Variants in TRAPPC9 observed in about 807,000 individuals in gnomAD.
The protein encoded by TRAPPC9 is IKK2 binding protein.
In TRAPPC9, 83 loss-of-function variants were observed where a neutral mutation model predicts 124.0. That is an observed-to-expected ratio of 0.67 (90% CI 0.56 to 0.80). The LOEUF (loss-of-function observed/expected upper bound fraction) is 0.80, where lower values mean the gene tolerates loss of function less well. TRAPPC9 is among the 30% of genes least tolerant of loss of function. TRAPPC9 has a pLI of 0.00. For synonymous variants in TRAPPC9, 638 were observed against 617.5 expected (o/e 1.03, Z -0.49); for missense variants, 1,302 against 1,508.3 (o/e 0.86, Z 2.27).
chr8:139,877,579 T>G lies in TRAPPC9; in HGVS notation c.3055+8300A>C, dbSNP rs534644752. ...TGCCTCCTGCCTTGCCATCAGACCC[T>G]CTGCAGCAGGAACACACTCACTCCG... On this transcript the variant is annotated intron_variant, in intron 21 of 22. Transcript: ENST00000438773. Among the ~76,000 whole-genome samples the G allele has an allele frequency of 2.5e-4, 38 of 152,120 alleles. 1 individual carries two copies. The highest frequency in any genetic ancestry group is 8.7e-4 in the African/African-American group (36 of 41,476).
intron 18 of TRAPPC9, among the ~76,000 whole-genome samples, chr8:140,007,057 C>A (rs1319021790): frequency 6.6e-6 from 1 of 152,178 alleles, no homozygotes; most frequent in African/African-American, 2.4e-5. Context: ...CAGGGGCGCC[C>A]AGGAATTGGA....
At chr8:140,350,639 G>C (rs2067536417) in intron 9 of TRAPPC9, among the ~76,000 whole-genome samples, 1 of 151,984 alleles carries the variant, frequency 6.6e-6, no homozygotes, top group African/African-American at 2.4e-5. Context: ...TGGTCTCCTG[G>C]AGAAGACGGC....
At chr8:140,322,549 C>T (rs4736173) in intron 9 of TRAPPC9, among the ~76,000 whole-genome samples, 99,559 of 151,984 alleles carry the variant, frequency 0.66, 33,067 homozygotes, top group African/African-American at 0.78. Context: ...CAACAGAAGC[C>T]GGATGCGGTG....
intron 18 of TRAPPC9, among the ~76,000 whole-genome samples, chr8:140,022,342 G>C (rs368993615): frequency 1.3e-5 from 2 of 152,158 alleles, no homozygotes; most frequent in Non-Finnish European, 2.9e-5. Flanking sequence ...CCCAAGAGCA[G>C]GGAAAAGAAC....
chr8:139,810,613 C>T (rs1365285319), intron 21 of TRAPPC9, among the ~76,000 whole-genome samples: 1 of 152,150 alleles, frequency 6.6e-6, no homozygotes, highest in Admixed American at 6.5e-5. Flanking sequence ...AACAGGACCT[C>T]GGTGGACGGT....
chr8:139,820,007 CAAAAAAAAAAAAAA>C (rs35064399), intron 21 of TRAPPC9, among the ~76,000 whole-genome samples: 1 of 51,810 alleles, frequency 1.9e-5, no homozygotes, highest in Non-Finnish European at 3.3e-5. Context: ...GACTCTGTCT[CAAAAAAAAAAAAAA>C]AAAAAAAAAA....
At chr8:139,936,711 T>C (rs1029136718) in intron 19 of TRAPPC9, among the ~76,000 whole-genome samples, 7 of 136,152 alleles carry the variant, frequency 5.1e-5, no homozygotes, top group African/African-American at 2.0e-4. Flanking sequence ...GAGTGGGGAG[T>C]GGGGACTGCA....
At chr8:140,098,820 C>CA (rs1427114668) in intron 17 of TRAPPC9, 1 of 150,138 alleles carries the variant, frequency 6.7e-6, no homozygotes, top group East Asian at 2.0e-4. Context: ...CAGGGGAAGA[C>CA]ACCAGCTAGA....
intron 17 of TRAPPC9, among the ~76,000 whole-genome samples, chr8:140,197,057 G>A (rs2062688234): frequency 1.3e-5 from 2 of 152,248 alleles, no homozygotes; most frequent in Admixed American, 1.3e-4. Flanking sequence ...GCATAGGTGA[G>A]TGCATCATAG....
intron 20 of TRAPPC9, among the ~76,000 whole-genome samples, chr8:139,888,718 CTA>C (rs1273373600): frequency 6.6e-6 from 1 of 152,230 alleles, no homozygotes; most frequent in Non-Finnish European, 1.5e-5. Flanking sequence ...CACACACAGC[CTA>C]TGTTTGCTGA....
intron 17 of TRAPPC9, among the ~76,000 whole-genome samples, chr8:140,205,388 G>T (rs1462983494): frequency 6.6e-6 from 1 of 152,214 alleles, no homozygotes; most frequent in African/African-American, 2.4e-5. Context: ...TATGTAGAAA[G>T]ATTGGAAACA....
chr8:139,832,961 T>G (rs1392362749), intron 21 of TRAPPC9, among the ~76,000 whole-genome samples: 1 of 152,164 alleles, frequency 6.6e-6, no homozygotes, highest in East Asian at 1.9e-4. Flanking sequence ...TTTTTCCAGC[T>G]GATCTCAGAA....
At chr8:139,798,906 C>G (rs1823278727) in intron 21 of TRAPPC9, among the ~76,000 whole-genome samples, 1 of 152,196 alleles carries the variant, frequency 6.6e-6, no homozygotes, top group Non-Finnish European at 1.5e-5. Context: ...TGTACTTTTT[C>G]TGGCGGAGAT....
intron 17 of TRAPPC9, among the ~76,000 whole-genome samples, chr8:140,186,762 T>G (rs1279742533): frequency 1.3e-5 from 2 of 152,170 alleles, no homozygotes; most frequent in Non-Finnish European, 2.9e-5. Flanking sequence ...ATCTTGACAG[T>G]GTGAGTGGGA....
chr8:140,158,106 C>T (rs1450200253), intron 17 of TRAPPC9, among the ~76,000 whole-genome samples: 1 of 152,100 alleles, frequency 6.6e-6, no homozygotes, highest in Non-Finnish European at 1.5e-5. Flanking sequence ...TTGGTGCATT[C>T]ATCCATTTTT....
At chr8:140,244,442 A>G (rs906826061) in intron 16 of TRAPPC9, among the ~76,000 whole-genome samples, 3 of 152,240 alleles carry the variant, frequency 2.0e-5, no homozygotes, top group Non-Finnish European at 2.9e-5. Flanking sequence ...TTTCTCTTAC[A>G]AAACCAAAAG....
rs1169183546 is a variant in TRAPPC9, at chr8:140,376,465, A to G, written c.1135-5285T>C. ...CAGCTACTTGGGAGGCTGAGGCAGG[A>G]GAATGGCGTGAACTTGGGAGACGGA... is the stretch of plus-strand genomic sequence containing the variant. On this transcript the variant is annotated intron_variant, in intron 7 of 22. Transcript: ENST00000438773. Among the ~76,000 whole-genome samples, 5 of 146,684 alleles carry G rather than the reference A, an allele frequency of 3.4e-5. No homozygotes were observed. In the East Asian group the frequency reaches 8.6e-4, roughly 25 times the overall value.
At chr8:139,827,909 T>A (rs2130825123) in intron 21 of TRAPPC9, among the ~76,000 whole-genome samples, 1 of 152,082 alleles carries the variant, frequency 6.6e-6, no homozygotes, top group Admixed American at 6.5e-5. Flanking sequence ...TGTCACACAG[T>A]GAGAGCAAAA....
intron 17 of TRAPPC9, among the ~76,000 whole-genome samples, chr8:140,103,935 AC>A (rs1465523171): frequency 6.6e-6 from 1 of 152,228 alleles, no homozygotes; most frequent in Non-Finnish European, 1.5e-5. Context: ...AGTGTATACC[AC>A]CAGCTGATTC....
Sources: gnomAD v4.1 joint callset for allele counts (sites outside exome capture counted in the v4.1 genomes callset) on GRCh38, gnomAD v4.1.1 for gene constraint, MANE v1.5 for transcripts, NCBI Gene and HGNC (gene_info 2026-07-23, HGNC 2026-07-21) for gene names.